Variants in DPT observed in about 807,000 individuals in gnomAD.
DPT encodes the protein tyrosine-rich acidic matrix protein.
A neutral mutation model predicts 31.2 loss-of-function variants in DPT; 21 were observed. The ratio of observed to expected loss-of-function variants is 0.67; its 90% CI spans 0.48 to 0.97. DPT has a LOEUF of 0.97. Ranked by LOEUF, DPT falls within the 50% of genes least tolerant of loss-of-function variation. DPT has a pLI of 0.00. For missense variants in DPT, 262 were observed against 258.8 expected, an observed-to-expected ratio of 1.01 and a Z score of -0.08; for synonymous variants, 91 against 86.9, an observed-to-expected ratio of 1.05 and a Z score of -0.26.
chr1:168,718,568 A>T (rs961892315), intron 1 of DPT, among the ~76,000 whole-genome samples: 3 of 152,092 alleles, frequency 2.0e-5, no homozygotes, highest in Admixed American at 1.3e-4. Context: ...CCAGAGCCGG[A>T]TCTTTGTGGG....
chr1:168,728,445 TA>T (rs1650295890), intron 1 of DPT, among the ~76,000 whole-genome samples: 1 of 152,226 alleles, frequency 6.6e-6, no homozygotes, highest in African/African-American at 2.4e-5. Context: ...AGTACTTTTG[TA>T]AAATGGTAAA....
chr1:168,696,880 C>G (rs1456880586), intron 3 of DPT, among the ~76,000 whole-genome samples: 1 of 152,214 alleles, frequency 6.6e-6, no homozygotes, highest in South Asian at 2.1e-4. Flanking sequence ...CTCACCCCTG[C>G]TGCCTCCAGA....
chr1:168,696,071 A>T lies in DPT; in HGVS notation c.*478T>A. 2.5e-6 allele frequency: 1 copy of T among 398,988 alleles called. No individual in the cohort carries two copies. The highest frequency in any genetic ancestry group is 4.4e-6 in the Non-Finnish European group (1 of 226,784). 24.7% of individuals were successfully genotyped at this position (398,988 alleles called of 1,614,324 possible). On this transcript the variant is annotated 3_prime_UTR_variant, in exon 4 of 4. Transcript: ENST00000367817. ...TCATGTGGAGCAGGGGAGTGGGAAG[A>T]TGTCCCTCAGGGCAGAAAGCCTGCT...
At chr1:168,716,063 T>G (rs187340226) in intron 1 of DPT, among the ~76,000 whole-genome samples, 3 of 152,362 alleles carry the variant, frequency 2.0e-5, no homozygotes, top group Admixed American at 2.0e-4. Context: ...CAAGTGGATT[T>G]CATTTATTCT....
At position 168,714,292 on chromosome 1, in the gene DPT, G is replaced by A. The variant is rs771206325; in HGVS notation, c.360C>T (p.Phe120=). The A allele has an allele frequency of 4.4e-5, 71 of 1,614,052 alleles. No homozygotes were observed. In the East Asian group the frequency reaches 1.3e-3, roughly 29 times the overall value. Residue 120 remains phenylalanine (F), a synonymous_variant, in exon 2 of 4, where the codon TTC becomes TTT. Coordinates refer to ENST00000367817, the MANE Select transcript of DPT (RefSeq NM_001937.5). ...GCCACTCCCGATCCAGCACTGACTC[G>A]AAGTAGCGGCTCTGGAATCCTGCCA... ...GLVAGFQSRY[F]ESVLDREWQF...
chr1:168,722,996 G>A (rs1045128283), intron 1 of DPT, among the ~76,000 whole-genome samples: 7 of 152,088 alleles, frequency 4.6e-5, no homozygotes, highest in Admixed American at 6.5e-5. Flanking sequence ...ATCCTTACAA[G>A]AGCAGCCAAC....
chr1:168,712,403 G>T (rs1357030616), intron 2 of DPT, among the ~76,000 whole-genome samples: 1 of 152,212 alleles, frequency 6.6e-6, no homozygotes, highest in African/African-American at 2.4e-5. Context: ...GCCCTGATGT[G>T]TTCCTTTGGA....
At chr1:168,709,253 A>G (rs1045570777) in intron 2 of DPT, among the ~76,000 whole-genome samples, 5 of 152,232 alleles carry the variant, frequency 3.3e-5, no homozygotes, top group African/African-American at 1.2e-4. Context: ...TGCAGCCTGC[A>G]GCTGCTGAGC....
chr1:168,726,298 C>T (rs1462639528), intron 1 of DPT, among the ~76,000 whole-genome samples: 2 of 152,244 alleles, frequency 1.3e-5, no homozygotes, highest in African/African-American at 4.8e-5. Flanking sequence ...ATTTCACCTT[C>T]TTCCTCTTTT....
intron 2 of DPT, among the ~76,000 whole-genome samples, chr1:168,708,434 G>A (rs927586553): frequency 3.9e-5 from 6 of 152,270 alleles, no homozygotes; most frequent in South Asian, 2.1e-4. Context: ...TTAGTAGGGC[G>A]CAGAGCATCT....
chr1:168,701,977 T>C (rs1222041457), intron 2 of DPT, among the ~76,000 whole-genome samples: 1 of 152,204 alleles, frequency 6.6e-6, no homozygotes. Context: ...TTTCCTTTCC[T>C]TCTCTTCCAA....
intron 1 of DPT, among the ~76,000 whole-genome samples, chr1:168,724,639 G>A (rs1400687111): frequency 6.6e-6 from 1 of 152,024 alleles, no homozygotes; most frequent in Non-Finnish European, 1.5e-5. Context: ...GAGAGGAGGT[G>A]GTCTTGGAAA....
intron 2 of DPT, among the ~76,000 whole-genome samples, chr1:168,711,010 C>CTTTT (rs1649842876): frequency 6.7e-6 from 1 of 148,474 alleles, no homozygotes; most frequent in African/African-American, 2.5e-5. Context: ...TTTTTTTTTT[C>CTTTT]TTCTTCTTCT....
Position 168,710,630 on chromosome 1 carries a change from C to T in DPT, c.431+3591G>A, listed in dbSNP as rs78258521. 2.6e-4 allele frequency among the ~76,000 whole-genome samples: 39 copies of T among 152,276 alleles called. No homozygotes were observed. In the East Asian group the frequency reaches 7.1e-3, roughly 28 times the overall value. On this transcript the variant is annotated intron_variant, in intron 2 of 3. Coordinates refer to ENST00000367817, the MANE Select transcript of DPT (RefSeq NM_001937.5). ...TACATATATGTCTATATGATCATTA[C>T]ATTTTTAGCATCTTAGCTGGTGAAT...
intron 1 of DPT, among the ~76,000 whole-genome samples, chr1:168,727,696 A>C (rs1572634967): frequency 1.8e-5 from 2 of 113,140 alleles, no homozygotes; most frequent in African/African-American, 3.6e-5. Flanking sequence ...ATGCAACTAC[A>C]CCGGGCTAAT....
At chr1:168,697,191 G>A (rs992215935) in intron 3 of DPT, among the ~76,000 whole-genome samples, 6 of 152,126 alleles carry the variant, frequency 3.9e-5, no homozygotes, top group African/African-American at 1.4e-4. Flanking sequence ...TGGAGTCCGG[G>A]AGGTTGAAGC....
chr1:168,716,449 TA>T (rs1557849915), intron 1 of DPT, among the ~76,000 whole-genome samples: 1 of 151,980 alleles, frequency 6.6e-6, no homozygotes, highest in Non-Finnish European at 1.5e-5. Flanking sequence ...GGTTAAGGTG[TA>T]AATTGAGACC....
intron 2 of DPT, 62 bp downstream of exon 2, chr1:168,714,159 C>T: frequency 6.2e-7 from 1 of 1,608,628 alleles, no homozygotes; most frequent in Non-Finnish European, 8.5e-7. Context: ...GAAGCTAGAG[C>T]ACTTCCTAGG....
chr1:168,725,065 C>T (rs1650208102), intron 1 of DPT, among the ~76,000 whole-genome samples: 2 of 152,166 alleles, frequency 1.3e-5, no homozygotes. Context: ...TTACTACCTG[C>T]CCATGATGTG....
Sources: allele counts gnomAD v4.1 joint callset (sites outside exome capture counted in the v4.1 genomes callset), GRCh38; gene constraint gnomAD v4.1.1; transcripts MANE v1.5; gene names NCBI Gene and HGNC (gene_info 2026-07-23, HGNC 2026-07-21).